LRP1B: variants seen among roughly 807,000 people sequenced by gnomAD.
LRP1B encodes the protein low-density lipoprotein receptor-related protein 1B.
A neutral mutation model predicts 556.6 loss-of-function variants in LRP1B; 217 were observed. That is an observed-to-expected ratio of 0.39 (90% CI 0.35 to 0.44). The LOEUF is 0.44. Ranked by LOEUF, LRP1B falls within the 20% of genes least tolerant of loss-of-function variation. LRP1B has a pLI of 1.00. For missense variants in LRP1B, 5,053 were observed against 5,620.8 expected (o/e 0.90, Z 3.23); for synonymous variants, 2,047 against 1,865.8 (o/e 1.10, Z -2.50).
intron 1 of LRP1B, among the ~76,000 whole-genome samples, chr2:141,974,172 T>C (rs1362522863): frequency 6.6e-6 from 1 of 151,930 alleles, no homozygotes; most frequent in Non-Finnish European, 1.5e-5. Context: ...TAGAAAGACC[T>C]GGTTGAGAAA....
chr2:140,818,225 GGA>G (rs1269612100), intron 31 of LRP1B, among the ~76,000 whole-genome samples: 1 of 151,946 alleles, frequency 6.6e-6, no homozygotes, highest in Non-Finnish European at 1.5e-5. Context: ...AAAATGTAGA[GGA>G]TTAACTTCCA....
chr2:141,999,189 T>G (rs1702587478), intron 1 of LRP1B, among the ~76,000 whole-genome samples: 2 of 152,048 alleles, frequency 1.3e-5, no homozygotes, highest in South Asian at 4.1e-4. Context: ...TAAATTCTGG[T>G]CAGCTGTGGC....
chr2:140,655,938 G>A (rs909841722), intron 41 of LRP1B, among the ~76,000 whole-genome samples: 1 of 133,666 alleles, frequency 7.5e-6, no homozygotes, highest in Non-Finnish European at 1.6e-5. Context: ...GTGAGACTCC[G>A]TCTCAAAAAA....
At chr2:141,977,571 T>C (rs1179116848) in intron 1 of LRP1B, among the ~76,000 whole-genome samples, 5 of 152,056 alleles carry the variant, frequency 3.3e-5, no homozygotes, top group Admixed American at 2.6e-4. Context: ...CAAAAAAAAG[T>C]GATTCCTACC....
intron 32 of LRP1B, among the ~76,000 whole-genome samples, chr2:140,797,746 A>C (rs1690367946): frequency 6.6e-6 from 1 of 152,186 alleles, no homozygotes; most frequent in South Asian, 2.1e-4. Flanking sequence ...TTTTTTAACT[A>C]GAATAAAGGT....
chr2:141,385,499 C>A (rs895969810), intron 3 of LRP1B, among the ~76,000 whole-genome samples: 4 of 151,936 alleles, frequency 2.6e-5, no homozygotes, highest in African/African-American at 9.7e-5. Context: ...TGCCTATAGA[C>A]AACATGATGA....
chr2:140,598,912 C>A, intron 42 of LRP1B, 77 bp from the exon 43 acceptor site: 1 of 912,308 alleles, frequency 1.1e-6, no homozygotes. Flanking sequence ...CATGGCAATA[C>A]CAAGCTATTT....
intron 1 of LRP1B, among the ~76,000 whole-genome samples, chr2:141,891,512 A>G (rs959401050): frequency 6.6e-6 from 1 of 152,160 alleles, no homozygotes; most frequent in African/African-American, 2.4e-5. Context: ...ACGAATTAAT[A>G]AAAGCAATGA....
chr2:141,048,030 A>T lies in LRP1B; in HGVS notation c.1789+956T>A, dbSNP rs1188198216. Among the ~76,000 whole-genome samples the T allele has an allele frequency of 2.0e-5, 3 of 152,132 alleles. No homozygotes were observed. In the East Asian group the frequency reaches 5.8e-4, roughly 29 times the overall value. On this transcript the variant is annotated intron_variant, in intron 11 of 90. Transcript: ENST00000389484. ...TTAATTAAATGCTGCAGTGTCTTGAAACTTTTTGTGTGCTTATATCATCTC... is the reference window on the plus strand; with the variant it reads ...TTAATTAAATGCTGCAGTGTCTTGATACTTTTTGTGTGCTTATATCATCTC...
intron 86 of LRP1B, among the ~76,000 whole-genome samples, chr2:140,250,735 G>C (rs778631267): frequency 6.6e-6 from 1 of 151,646 alleles, no homozygotes; most frequent in African/African-American, 2.4e-5. Context: ...AGTAACTTGG[G>C]ATTGTGGTCA....
intron 7 of LRP1B, among the ~76,000 whole-genome samples, chr2:141,154,765 C>T (rs1043564692): frequency 6.6e-6 from 1 of 151,904 alleles, no homozygotes; most frequent in Non-Finnish European, 1.5e-5. Flanking sequence ...ACTACTTCTA[C>T]ATGTCTCTAA....
At chr2:140,715,906 T>G (rs2105460827) in intron 37 of LRP1B, 67 bp downstream of exon 37, 1 of 1,323,526 alleles carries the variant, frequency 7.6e-7, no homozygotes, top group Non-Finnish European at 1.0e-6. Context: ...AAGTAATTAG[T>G]TTTTTTTCAA....
At chr2:141,632,221 A>T (rs1293761898) in intron 2 of LRP1B, among the ~76,000 whole-genome samples, 1 of 152,152 alleles carries the variant, frequency 6.6e-6, no homozygotes, top group African/African-American at 2.4e-5. Context: ...TATACATTTT[A>T]AAATGCGTAT....
intron 35 of LRP1B, among the ~76,000 whole-genome samples, chr2:140,768,784 T>C (rs957640565): frequency 2.6e-5 from 4 of 151,964 alleles, no homozygotes; most frequent in East Asian, 1.9e-4. Flanking sequence ...TTGTTTCTAG[T>C]ATTTGGATTT....
chr2:140,287,641 TAAA>T (rs34500444), intron 84 of LRP1B, among the ~76,000 whole-genome samples: 116 of 135,198 alleles, frequency 8.6e-4, no homozygotes, highest in Admixed American at 8.3e-4. Context: ...ATATTGCAAG[TAAA>T]AAAAAAAAAA....
chr2:140,985,982 G>T (rs1696910486), intron 17 of LRP1B, among the ~76,000 whole-genome samples: 1 of 150,194 alleles, frequency 6.7e-6, no homozygotes, highest in African/African-American at 2.5e-5. Flanking sequence ...CTTTTAATTT[G>T]TTTTTATTTT....
chr2:141,914,774 C>G (rs141638707), intron 1 of LRP1B, among the ~76,000 whole-genome samples: 224 of 152,146 alleles, frequency 1.5e-3, no homozygotes, highest in African/African-American at 4.9e-3. Context: ...CCGCACACAC[C>G]TAGGAATACA....
In LRP1B at chr2:141,212,445, A is replaced by AT. The variant is rs77370519; in HGVS notation, c.850+16737dup. Among the ~76,000 whole-genome samples the AT allele has an allele frequency of 4.2e-3, 595 of 141,698 alleles. 4 individuals carry two copies. The highest frequency in any genetic ancestry group is 0.011 in the African/African-American group (431 of 38,634). The allele number at this position is 141,698 out of a possible 152,430, so 93.0% of individuals were successfully genotyped here. A position where few individuals can be genotyped will look rare whatever the true frequency, so the allele number is the denominator to read the frequency against. ...AGGCTTCCACCACCACGCCCGGATA[A>AT]TTTTTTTTTTTTTGTATTTTAGTAG... On this transcript the variant is annotated intron_variant, in intron 6 of 90. Coordinates refer to ENST00000389484, the MANE Select transcript of LRP1B (RefSeq NM_018557.3).
intron 7 of LRP1B, among the ~76,000 whole-genome samples, chr2:141,180,499 G>C (rs904778128): frequency 6.6e-6 from 1 of 151,930 alleles, no homozygotes; most frequent in Non-Finnish European, 1.5e-5. Context: ...CTTTATAAGT[G>C]AAACAATAAC....
Sources: allele counts gnomAD v4.1 joint callset (sites outside exome capture counted in the v4.1 genomes callset), GRCh38; gene constraint gnomAD v4.1.1; transcripts MANE v1.5; gene names NCBI Gene and HGNC (gene_info 2026-07-23, HGNC 2026-07-21).